RAB20: variants seen among roughly 807,000 people sequenced by gnomAD.
RAB20 encodes the protein RAB20, member RAS oncogene family.
Under a neutral mutation model 3.7 loss-of-function variants are expected in RAB20, and 2 were observed. That is an observed-to-expected ratio of 0.54 (90% CI 0.22 to 1.69). RAB20 has a LOEUF of 1.69. Ranked by LOEUF, RAB20 falls within the 40% of genes most tolerant of loss-of-function variation. The pLI is 0.19. For synonymous variants in RAB20, 126 were observed against 130.8 expected (o/e 0.96, Z 0.25); for missense variants, 276 against 311.9 (o/e 0.88, Z 0.87).
At position 110,524,090 on chromosome 13, in the gene RAB20, G is replaced by T. The variant is rs764352241; in HGVS notation, c.280C>A (p.Arg94=). The part of the protein sequence containing the change: ...HRQSLVELED[R]FLGLTDTASK... ...GCTGTGTCTGTCAGGCCCAGGAACC[G>T]GTCCTCCAGCTCCACCAGGCTCTGC... is the stretch of plus-strand genomic sequence containing the variant. The change falls in exon 2 of 2, where the codon CGG becomes AGG. Residue 94 remains arginine (R), a synonymous_variant. Coordinates refer to ENST00000267328, the MANE Select transcript of RAB20 (RefSeq NM_017817.3). The T allele has an allele frequency of 6.2e-7, 1 of 1,613,446 alleles. No individual in the cohort carries two copies. The highest frequency in any genetic ancestry group is 1.1e-5 in the South Asian group (1 of 91,078).
At position 110,524,194 on chromosome 13, in the gene RAB20, C is replaced by T. The variant is rs766740834; in HGVS notation, c.176G>A (p.Arg59Gln). Residue 59 changes from arginine (R) to glutamine (Q), a missense_variant, in exon 2 of 2, where the codon CGG becomes CAG. Arg to Gln is a conservative substitution (Grantham distance 43, BLOSUM62 1). Coordinates refer to ENST00000267328, the MANE Select transcript of RAB20 (RefSeq NM_017817.3). ...GGAGCCCAGGCCGTGGAACTGCTCC[C>T]GCCCTGGTGGGAAGAGAGGGACAGA... ...YNISIWDTAG[R>Q]EQFHGLGSMY... 4.3e-5 allele frequency: 68 copies of T among 1,585,414 alleles called. No individual in the cohort carries two copies. The highest frequency in any genetic ancestry group is 1.5e-4 in the Admixed American group (9 of 58,756).
At chr13:110,561,263 C>T (rs1885124228) in intron 1 of RAB20, 85 bp downstream of exon 1, 1 of 1,424,906 alleles carries the variant, frequency 7.0e-7, no homozygotes, top group Non-Finnish European at 9.2e-7. Context: ...ACCCTGTGCG[C>T]GGCCGGGTGC....
At chr13:110,548,386 A>G (rs1884890528) in intron 1 of RAB20, among the ~76,000 whole-genome samples, 1 of 152,110 alleles carries the variant, frequency 6.6e-6, no homozygotes, top group Non-Finnish European at 1.5e-5. Context: ...CGGGAGGCTG[A>G]GGCAGGAGAA....
intron 1 of RAB20, among the ~76,000 whole-genome samples, chr13:110,541,050 G>A (rs1039086134): frequency 6.6e-6 from 1 of 152,150 alleles, no homozygotes; most frequent in Admixed American, 6.5e-5. Context: ...CTGCCAGCCC[G>A]AGGACCTTGC....
chr13:110,535,682 C>T (rs1594131604), intron 1 of RAB20, among the ~76,000 whole-genome samples: 1 of 152,236 alleles, frequency 6.6e-6, no homozygotes, highest in Admixed American at 6.5e-5. Context: ...CGTGAAGCAC[C>T]GCACACACCC....
At chr13:110,560,740 A>G (rs181264258) in intron 1 of RAB20, among the ~76,000 whole-genome samples, 92 of 150,446 alleles carry the variant, frequency 6.1e-4, no homozygotes, top group African/African-American at 2.2e-3. Flanking sequence ...CTCATTACCT[A>G]TCTTAAAAAT....
At chr13:110,559,494 G>A (rs958079532) in intron 1 of RAB20, among the ~76,000 whole-genome samples, 4 of 152,044 alleles carry the variant, frequency 2.6e-5, no homozygotes, top group African/African-American at 9.7e-5. Context: ...ACAGGCCACC[G>A]AGGAGGCAGG....
In RAB20 at chr13:110,523,597, A is replaced by G. The variant is rs565000165; in HGVS notation, c.*68T>C. 3.9e-5 allele frequency: 61 copies of G among 1,556,886 alleles called. No homozygotes were observed. The highest frequency in any genetic ancestry group is 2.5e-4 in the Admixed American group (13 of 52,190). On this transcript the variant is annotated 3_prime_UTR_variant, in exon 2 of 2. Coordinates refer to ENST00000267328, the MANE Select transcript of RAB20 (RefSeq NM_017817.3). ...TTCCTTGCTGTTCCTTGCTCCTTTCAGATCACAGCTTGCCTGGTCAGACCC... is the reference window on the plus strand; with the variant it reads ...TTCCTTGCTGTTCCTTGCTCCTTTCGGATCACAGCTTGCCTGGTCAGACCC...
intron 1 of RAB20, among the ~76,000 whole-genome samples, chr13:110,537,586 C>A (rs1055580801): frequency 5.9e-5 from 9 of 151,760 alleles, no homozygotes; most frequent in Admixed American, 2.0e-4. Flanking sequence ...CAGGGTGGGA[C>A]CAACACCATC....
rs574503320 is a variant in RAB20, at chr13:110,535,698, G to A, written c.173-11501C>T. Among the ~76,000 whole-genome samples, 124 of 152,372 alleles carry A rather than the reference G, an allele frequency of 8.1e-4. No homozygotes were observed. In the South Asian group the frequency reaches 0.014, roughly 17 times the overall value. Reference sequence around the variant, plus strand: ...GTGAAGCACCGCACACACCCGGCACGCTGGGCCCAGGCCTTCCACGCAGTG... The same window carrying A: ...GTGAAGCACCGCACACACCCGGCACACTGGGCCCAGGCCTTCCACGCAGTG... On this transcript the variant is annotated intron_variant, in intron 1 of 1. Coordinates refer to ENST00000267328, the MANE Select transcript of RAB20 (RefSeq NM_017817.3).
intron 1 of RAB20, among the ~76,000 whole-genome samples, chr13:110,539,750 G>C (rs1351521453): frequency 6.6e-6 from 1 of 152,030 alleles, no homozygotes; most frequent in East Asian, 1.9e-4. Flanking sequence ...AGTAGAGACG[G>C]GGTATCACCA....
chr13:110,537,648 C>T (rs974736254), intron 1 of RAB20, among the ~76,000 whole-genome samples: 6 of 151,738 alleles, frequency 4.0e-5, no homozygotes, highest in South Asian at 2.1e-4. Context: ...CAGGGCCAGG[C>T]GCTGACTTGG....
chr13:110,532,025 C>T (rs1246044475), intron 1 of RAB20, among the ~76,000 whole-genome samples: 1 of 152,100 alleles, frequency 6.6e-6, no homozygotes, highest in African/African-American at 2.4e-5. Context: ...AGTGTTGTGT[C>T]GTTTTCACTA....
chr13:110,542,441 A>T (rs963389099), intron 1 of RAB20, among the ~76,000 whole-genome samples: 1 of 152,122 alleles, frequency 6.6e-6, no homozygotes, highest in Non-Finnish European at 1.5e-5. Context: ...CAGCCTGCAG[A>T]ACTGAACCTT....
intron 1 of RAB20, among the ~76,000 whole-genome samples, chr13:110,526,339 A>C (rs1378768424): frequency 6.6e-6 from 1 of 152,260 alleles, no homozygotes; most frequent in Non-Finnish European, 1.5e-5. Flanking sequence ...TGGGAGAAGT[A>C]AGCCTGGTTC....
At chr13:110,544,429 C>A (rs187101136) in intron 1 of RAB20, among the ~76,000 whole-genome samples, 1 of 152,046 alleles carries the variant, frequency 6.6e-6, no homozygotes, top group East Asian at 1.9e-4. Context: ...TTTTCTATTT[C>A]TGTAAAAAAT....
At chr13:110,551,404 G>A (rs1451441630) in intron 1 of RAB20, among the ~76,000 whole-genome samples, 1 of 152,232 alleles carries the variant, frequency 6.6e-6, no homozygotes, top group Non-Finnish European at 1.5e-5. Context: ...CACACAGGAC[G>A]AACTGCAAAT....
intron 1 of RAB20, among the ~76,000 whole-genome samples, chr13:110,545,023 C>T (rs536582498): frequency 1.1e-4 from 17 of 152,204 alleles, no homozygotes; most frequent in African/African-American, 3.4e-4. Context: ...TTTCTCTTGC[C>T]GCCACCATGT....
chr13:110,561,602 G>A lies in RAB20; in HGVS notation c.-83C>T. On this transcript the variant is annotated 5_prime_UTR_variant, in exon 1 of 2. Coordinates refer to ENST00000267328, the MANE Select transcript of RAB20 (RefSeq NM_017817.3). ...GCGCCCTGGGCGCAGCTGGAGGAGC[G>A]GACCCCGGACTCGCCGGGACCCGGA... 1.1e-5 allele frequency: 17 copies of A among 1,487,000 alleles called. No individual in the cohort carries two copies. Among genetic ancestry groups the A allele is most frequent in the Non-Finnish European group, 1.5e-5 (17 of 1,121,632 alleles). 92.1% of individuals were successfully genotyped at this position (1,487,000 alleles called of 1,614,324 possible).
Sources: allele counts gnomAD v4.1 joint callset (sites outside exome capture counted in the v4.1 genomes callset), GRCh38; gene constraint gnomAD v4.1.1; transcripts MANE v1.5; gene names NCBI Gene and HGNC (gene_info 2026-07-23, HGNC 2026-07-21).